The following ARX variants were observed in gnomAD, a reference collection of about 807,000 sequenced individuals.
ARX encodes aristaless related homeobox.
ARX carries 1 observed loss-of-function variant against 23.1 expected under a neutral mutation model. The observed-to-expected ratio is 0.04, with a 90% CI of 0.02 to 0.21. The LOEUF (loss-of-function observed/expected upper bound fraction) is 0.21. Among genes scored for constraint, ARX ranks in the 10% least tolerant of loss-of-function variants. The pLI is 1.00. For missense variants in ARX, 380 were observed against 527.5 expected (o/e 0.72, Z 2.74); for synonymous variants, 301 against 270.1 (o/e 1.11, Z -1.12).
chrX:25,005,725 A>T (rs996614369), intron 4 of ARX, among the ~76,000 whole-genome samples: 1 of 112,516 alleles, frequency 8.9e-6, no homozygotes, highest in Non-Finnish European at 1.9e-5. Flanking sequence ...GCGATGCCCA[A>T]GCCTGGGACC....
rs1259485650 is a variant in ARX, at chrX:25,003,944, G to A, written c.*726C>T. ...ACAAACTTTTACCATACCACGCTGAGTGCAATTGCGTTATAACATTTCAAA... is the reference window on the plus strand; with the variant it reads ...ACAAACTTTTACCATACCACGCTGAATGCAATTGCGTTATAACATTTCAAA... On this transcript the variant is annotated 3_prime_UTR_variant, in exon 5 of 5. Coordinates refer to ENST00000379044, the MANE Select transcript of ARX (RefSeq NM_139058.3). The A allele has an allele frequency of 7.4e-5, 8 of 108,361 alleles. No individual in the cohort carries two copies. The highest frequency in any genetic ancestry group is 3.0e-4 in the Admixed American group (3 of 10,088). The allele number at this position is 108,361 out of a possible 1,213,427, so 8.9% of individuals were successfully genotyped here.
Position 25,004,692 on chromosome X carries a change from C to T in ARX, c.1667G>A (p.Ser556Asn). ...LTQLNILPGT[S>N]TGKEVC is the part of the protein sequence containing the mutation. Reference sequence around the variant, plus strand: ...CCTTTAGCACACCTCCTTGCCCGTGCTGGTGCCCGGCAGGATGTTGAGCTG... The same window carrying T: ...CCTTTAGCACACCTCCTTGCCCGTGTTGGTGCCCGGCAGGATGTTGAGCTG... The change falls in exon 5 of 5, where the codon AGC becomes AAC. Residue 556 changes from serine (S) to asparagine (N), a missense_variant. Around this residue, in one of 3 missense-constraint regions of ARX, gnomAD observed 121 missense variants for 169.7 expected, o/e 0.71. Coordinates refer to ENST00000379044, the MANE Select transcript of ARX (RefSeq NM_139058.3). The T allele has an allele frequency of 8.6e-7, 1 of 1,165,142 alleles. No homozygotes were observed. Among genetic ancestry groups the T allele is most frequent in the Non-Finnish European group, 1.1e-6 (1 of 872,646 alleles).
At chrX:25,015,148 C>A (rs2048721308) in intron 1 of ARX, among the ~76,000 whole-genome samples, 1 of 112,033 alleles carries the variant, frequency 8.9e-6, no homozygotes, top group African/African-American at 3.2e-5. Context: ...GCTCACTCAG[C>A]CTGGAGACCC....
At chrX:25,004,945 G>A (rs1449791778) in intron 4 of ARX, 35 bp from the exon 5 acceptor site, 1 of 1,092,648 alleles carries the variant, frequency 9.2e-7, no homozygotes, top group Non-Finnish European at 1.2e-6. Context: ...TCATGGCCTC[G>A]GGAGCTGTGC....
chrX:25,015,758 G>C lies in ARX; in HGVS notation c.-21C>G. 1 of 1,179,774 alleles carries C rather than the reference G, an allele frequency of 8.5e-7. No homozygotes were observed. Among genetic ancestry groups the C allele is most frequent in the South Asian group, 1.9e-5 (1 of 53,809 alleles). On this transcript the variant is annotated 5_prime_UTR_variant, in exon 1 of 5. Coordinates refer to ENST00000379044, the MANE Select transcript of ARX (RefSeq NM_139058.3). The stretch of plus-strand genomic sequence containing the variant: ...CTCATGGCTGGGGCTTTTTCCCAGG[G>C]CGCAGAGAGCGGATCGCCGGCTGCC...
At position 25,013,776 on chromosome X, in the gene ARX, G is replaced by A. The variant is rs2048714109; in HGVS notation, c.219C>T (p.Ala73=). The change falls in exon 2 of 5, where the codon GCC becomes GCT. Residue 73 remains alanine, a synonymous_variant. Coordinates refer to ENST00000379044, the MANE Select transcript of ARX (RefSeq NM_139058.3). ...GCAGGTGCAGCTCGGCCTCGAACGG[G>A]GCGCTGCTGCTCTTAGGGGAGCCTG... The part of the protein sequence containing the change: ...AVQGSPKSSS[A]PFEAELHLPP... The A allele has an allele frequency of 5.4e-6, 5 of 927,867 alleles. No homozygotes were observed. Among genetic ancestry groups the A allele is most frequent in the Non-Finnish European group, 6.7e-6 (5 of 749,931 alleles). The allele number at this position is 927,867 out of a possible 1,213,427, so 76.5% of individuals were successfully genotyped here. A position where few individuals can be genotyped will look rare whatever the true frequency, so the allele number is the denominator to read the frequency against.
intron 4 of ARX, 134 bp from the exon 5 acceptor site, chrX:25,005,044 G>A: frequency 1.1e-6 from 1 of 912,848 alleles, no homozygotes. Flanking sequence ...CCGCGGCGGG[G>A]AAGTGGGCAG....
chrX:25,004,718 C>G lies in ARX; in HGVS notation c.1641G>C (p.Thr547=). The change falls in exon 5 of 5, where the codon ACG becomes ACC. Residue 547 remains threonine, a synonymous_variant. Coordinates refer to ENST00000379044, the MANE Select transcript of ARX (RefSeq NM_139058.3). ...TGGTGCCCGGCAGGATGTTGAGCTG[C>G]GTGAGCTGCGCCGCGTGCTCCTTGG... is the stretch of plus-strand genomic sequence containing the variant. ...LKAKEHAAQL[T]QLNILPGTST... is the part of the protein sequence containing the mutation. 8.6e-7 allele frequency: 1 copy of G among 1,165,105 alleles called. No individual in the cohort carries two copies. Among genetic ancestry groups the G allele is most frequent in the Non-Finnish European group, 1.1e-6 (1 of 872,564 alleles).
At chrX:25,007,918 T>C (rs962941545) in intron 3 of ARX, among the ~76,000 whole-genome samples, 1 of 111,440 alleles carries the variant, frequency 9.0e-6, no homozygotes, top group Non-Finnish European at 1.9e-5. Context: ...ATGGTGACTC[T>C]AGGGAATGGG....
Position 25,015,763 on chromosome X carries a change from G to A in ARX, c.-26C>T. ...GGCTGGGGCTTTTTCCCAGGGCGCAGAGAGCGGATCGCCGGCTGCCTCTCC... is the reference window on the plus strand; with the variant it reads ...GGCTGGGGCTTTTTCCCAGGGCGCAAAGAGCGGATCGCCGGCTGCCTCTCC... On this transcript the variant is annotated 5_prime_UTR_variant, in exon 1 of 5. Coordinates refer to ENST00000379044, the MANE Select transcript of ARX (RefSeq NM_139058.3). 4 of 1,177,887 alleles carry A rather than the reference G, an allele frequency of 3.4e-6. No homozygotes were observed. The highest frequency in any genetic ancestry group is 4.6e-6 in the Non-Finnish European group (4 of 875,593).
chrX:25,012,958 G>A lies in ARX; in HGVS notation c.1037C>T (p.Ala346Val). The A allele has an allele frequency of 1.7e-6, 2 of 1,205,678 alleles. No individual in the cohort carries two copies. The highest frequency in any genetic ancestry group is 2.2e-6 in the Non-Finnish European group (2 of 892,776). ...TSYQLEELER[A>V]FQKTHYPDVF... The stretch of plus-strand genomic sequence containing the variant: ...GTCCGGGTAGTGCGTCTTCTGGAAG[G>A]CCCGCTCCAGTTCCTCCAGCTGGTA... The change falls in exon 2 of 5, where the codon GCC becomes GTC. Residue 346 changes from alanine (A) to valine (V), a missense_variant. Physicochemically the swap from Ala to Val is moderately conservative, Grantham distance 64. This residue lies in a region of ARX where 24 missense variants were observed against 87.7 expected (regional missense o/e 0.27). Coordinates refer to ENST00000379044, the MANE Select transcript of ARX (RefSeq NM_139058.3).
At chrX:25,011,907 C>T (rs1338220299) in intron 2 of ARX, among the ~76,000 whole-genome samples, 3 of 113,051 alleles carry the variant, frequency 2.7e-5, no homozygotes, top group African/African-American at 9.6e-5. Context: ...CCTTTCTCCC[C>T]CTCACTGGGG....
chrX:25,012,880 G>A lies in ARX; in HGVS notation c.1073+42C>T, dbSNP rs752936593. ...CGCTGTCCCTCCCTGGGGCCCGCGT[G>A]CGCTCTCTGCCGCTGCGACCGCGAC... On this transcript the variant is annotated intron_variant, in intron 2 of 4. Transcript: ENST00000379044. 1.0e-5 allele frequency: 12 copies of A among 1,186,500 alleles called. No individual in the cohort carries two copies. The South Asian group carries it at 2.2e-4, about 22-fold the overall frequency.
chrX:25,005,386 C>T (rs1324208203), intron 4 of ARX, among the ~76,000 whole-genome samples: 1 of 112,215 alleles, frequency 8.9e-6, no homozygotes, highest in Non-Finnish European at 1.9e-5. Flanking sequence ...TTCCAGCTGC[C>T]CGGACGCACG....
At chrX:25,010,433 A>C (rs753379293) in intron 2 of ARX, 128 bp from the exon 3 acceptor site, 15 of 747,280 alleles carry the variant, frequency 2.0e-5, no homozygotes, top group Non-Finnish European at 2.6e-5. Context: ...CCACCCCCAA[A>C]CATATGGGCA....
intron 3 of ARX, among the ~76,000 whole-genome samples, chrX:25,009,754 C>T (rs149079100): frequency 2.6e-4 from 29 of 111,902 alleles, no homozygotes; most frequent in African/African-American, 9.1e-4. Flanking sequence ...GCTCCTTGTG[C>T]GGGGCGGAGG....
Position 25,004,794 on chromosome X carries a change from G to T in ARX, c.1565C>A (p.Thr522Lys). 8.5e-7 allele frequency: 1 copy of T among 1,172,427 alleles called. No individual in the cohort carries two copies. The highest frequency in any genetic ancestry group is 1.1e-6 in the Non-Finnish European group (1 of 876,298). ...VASGALADPA[T>K]AAADRRASSI... ...AGAGGCGCGTCTGTCTGCGGCCGCC[G>T]TGGCCGGGTCGGCCAGGGCGCCCGA... The change falls in exon 5 of 5, where the codon ACG becomes AAG. Residue 522 changes from threonine to lysine, a missense_variant. This residue lies in a region of ARX where 121 missense variants were observed against 169.7 expected (regional missense o/e 0.71). Transcript: ENST00000379044.
rs773507925 is a variant in ARX, at chrX:25,004,260, TAAAA to T, written c.*406_*409del. On this transcript the variant is annotated 3_prime_UTR_variant, in exon 5 of 5. Transcript: ENST00000379044. ...CAACTTCGAGCGCCAAAATGCTATT[TAAAA>T]AAAAAAAAGAAAGAAAGAAAGAAAG... 3.1e-5 allele frequency: 4 copies of T among 129,120 alleles called. No individual in the cohort carries two copies. Among genetic ancestry groups the T allele is most frequent in the Non-Finnish European group, 5.9e-5 (4 of 67,908 alleles). 10.6% of individuals were successfully genotyped at this position (129,120 alleles called of 1,213,427 possible).
At chrX:25,012,006 A>G (rs910595743) in intron 2 of ARX, among the ~76,000 whole-genome samples, 2 of 112,398 alleles carry the variant, frequency 1.8e-5, no homozygotes, top group African/African-American at 6.5e-5. Flanking sequence ...CCGGCGCCCC[A>G]GGTGGTGAAT....
Sources: gnomAD v4.1 joint callset for allele counts (sites outside exome capture counted in the v4.1 genomes callset) on GRCh38, gnomAD v4.1.1 for gene constraint, gnomAD v4.1.1 regional missense constraint, MANE v1.5 for transcripts, NCBI Gene and HGNC (gene_info 2026-07-23, HGNC 2026-07-21) for gene names.